The following MTMR2 variants were observed in gnomAD, a reference collection of about 807,000 sequenced individuals.
The protein encoded by MTMR2 is myotubularin related protein 2, also known as phosphatidylinositol-3,5-bisphosphate 3-phosphatase MTMR2.
MTMR2 carries 55 observed loss-of-function variants against 86.9 expected under a neutral mutation model. That is an observed-to-expected ratio of 0.63 (90% CI 0.51 to 0.79). The LOEUF is 0.79. Among genes scored for constraint, MTMR2 ranks in the 30% least tolerant of loss-of-function variants. The probability of loss-of-function intolerance (pLI) is 0.00; values close to 1 mark genes in which losing one functional copy is unlikely to be tolerated. For synonymous variants in MTMR2, 241 were observed against 266.8 expected, an observed-to-expected ratio of 0.90 and a Z score of 0.94; for missense variants, 659 against 772.3, an observed-to-expected ratio of 0.85 and a Z score of 1.74.
intron 1 of MTMR2, chr11:95,923,629 G>C: frequency 7.3e-7 from 1 of 1,361,266 alleles, no homozygotes; most frequent in Non-Finnish European, 9.5e-7. Context: ...ACCTCCATCG[G>C]GGAGAAAACG....
At chr11:95,889,693 A>G (rs1865645648) in intron 1 of MTMR2, among the ~76,000 whole-genome samples, 1 of 152,092 alleles carries the variant, frequency 6.6e-6, no homozygotes, top group Non-Finnish European at 1.5e-5. Context: ...CTACTTCAGG[A>G]CCTGTGTACA....
intron 2 of MTMR2, among the ~76,000 whole-genome samples, chr11:95,868,463 G>C (rs578196743): frequency 6.6e-6 from 1 of 151,764 alleles, no homozygotes; most frequent in Non-Finnish European, 1.5e-5. Flanking sequence ...AAATTGCATT[G>C]GTTATTCAGA....
intron 2 of MTMR2, among the ~76,000 whole-genome samples, chr11:95,885,237 T>C (rs1865474776): frequency 6.6e-6 from 1 of 152,108 alleles, no homozygotes. Flanking sequence ...ACCCTACCCA[T>C]CGTATTATCT....
At chr11:95,837,919 T>C (rs1757304844) in intron 13 of MTMR2, among the ~76,000 whole-genome samples, 175 bp downstream of exon 13, 1 of 152,066 alleles carries the variant, frequency 6.6e-6, no homozygotes, top group South Asian at 2.1e-4. Context: ...GTGACAAAGA[T>C]ACTTCAGAAT....
At chr11:95,923,712 C>A in intron 1 of MTMR2, 163 bp downstream of exon 1, 1 of 1,440,296 alleles carries the variant, frequency 6.9e-7, no homozygotes, top group Non-Finnish European at 9.1e-7. Flanking sequence ...TCAGCCTCCA[C>A]GCCCCAGGGA....
At chr11:95,853,572 G>A (rs1864101659) in intron 7 of MTMR2, among the ~76,000 whole-genome samples, 1 of 152,046 alleles carries the variant, frequency 6.6e-6, no homozygotes, top group African/African-American at 2.4e-5. Flanking sequence ...TGTATGCTCT[G>A]GTCTAGTCTA....
chr11:95,913,517 C>T (rs989688868), intron 1 of MTMR2, among the ~76,000 whole-genome samples: 3 of 152,128 alleles, frequency 2.0e-5, no homozygotes, highest in Admixed American at 6.6e-5. Flanking sequence ...TTCAGAATGT[C>T]CACGCTGAAA....
chr11:95,916,483 G>T (rs1866712707), intron 1 of MTMR2, among the ~76,000 whole-genome samples: 1 of 151,992 alleles, frequency 6.6e-6, no homozygotes, highest in South Asian at 2.1e-4. Flanking sequence ...TTTGGTTCAT[G>T]AGGTAACCCT....
intron 1 of MTMR2, among the ~76,000 whole-genome samples, chr11:95,891,866 G>A (rs1235827457): frequency 6.6e-6 from 1 of 151,994 alleles, no homozygotes; most frequent in African/African-American, 2.4e-5. Flanking sequence ...GAGAGAGAGT[G>A]CACAGGATAG....
intron 2 of MTMR2, among the ~76,000 whole-genome samples, chr11:95,886,246 A>G (rs1388973446): frequency 1.3e-5 from 2 of 152,214 alleles, no homozygotes; most frequent in Admixed American, 1.3e-4. Flanking sequence ...TTACTAATGT[A>G]AGATGTTATA....
chr11:95,840,805 A>G (rs1171947407), intron 12 of MTMR2, among the ~76,000 whole-genome samples: 1 of 152,222 alleles, frequency 6.6e-6, no homozygotes, highest in Non-Finnish European at 1.5e-5. Context: ...AAAGCCAGGC[A>G]GAGCCAGCAC....
chr11:95,882,589 G>A, intron 2 of MTMR2: 1 of 152,066 alleles, frequency 6.6e-6, no homozygotes, highest in Non-Finnish European at 1.5e-5. Flanking sequence ...TTTGAAGACA[G>A]ACACGTTTGC....
chr11:95,865,818 G>GT (rs1864595010), intron 2 of MTMR2, 142 bp from the exon 3 acceptor site: 3 of 708,572 alleles, frequency 4.2e-6, no homozygotes, highest in South Asian at 1.7e-5. Flanking sequence ...TTAAACTGTA[G>GT]TGTTGGCATG....
At chr11:95,891,652 A>C (rs535599332) in intron 1 of MTMR2, among the ~76,000 whole-genome samples, 143 of 152,328 alleles carry the variant, frequency 9.4e-4, no homozygotes, top group African/African-American at 3.3e-3. Flanking sequence ...ACACATAAAC[A>C]TAGGTAGATA....
intron 1 of MTMR2, among the ~76,000 whole-genome samples, chr11:95,907,445 T>C (rs943669753): frequency 2.0e-5 from 3 of 151,492 alleles, no homozygotes; most frequent in African/African-American, 7.3e-5. Flanking sequence ...ATAAAGAAGA[T>C]CTGGTGCCAT....
At chr11:95,873,099 A>G (rs1336442009) in intron 2 of MTMR2, among the ~76,000 whole-genome samples, 2 of 152,114 alleles carry the variant, frequency 1.3e-5, no homozygotes, top group South Asian at 2.1e-4. Context: ...TGTCTCTGCC[A>G]GGTTTTGGTA....
Position 95,838,102 on chromosome 11 carries a change from C to A in MTMR2, c.1585G>T (p.Gly529Ter), listed in dbSNP as rs1417792101. 6.3e-7 allele frequency: 1 copy of A among 1,589,298 alleles called. No homozygotes were observed. Among genetic ancestry groups the A allele is most frequent in the Admixed American group, 1.7e-5 (1 of 59,876 alleles). The change falls in exon 13 of 15, where the codon GGA becomes TGA. Residue 529 changes from glycine to a stop codon, truncating the protein, a stop_gained. Transcript: ENST00000346299. LOFTEE classifies it high-confidence loss of function. The part of the protein sequence containing the change: ...TFLCNSEQQR[G>*]KENLPKRTVS... ...CATGTTTCATATTTTACCTCTTTTC[C>A]TCTCTGTTGTTCACTATTACAGAGG...
intron 13 of MTMR2, 32 bp downstream of exon 13, chr11:95,838,062 T>A (rs972154399): frequency 8.1e-7 from 1 of 1,238,742 alleles, no homozygotes; most frequent in Non-Finnish European, 1.2e-6. Flanking sequence ...ACAGTAGAGA[T>A]AGTATGGGGA....
chr11:95,883,053 A>G (rs960593730), intron 2 of MTMR2, among the ~76,000 whole-genome samples: 25 of 151,922 alleles, frequency 1.6e-4, no homozygotes, highest in African/African-American at 4.6e-4. Flanking sequence ...GCCAAAAGAC[A>G]TAAGTCTATT....
Sources: gnomAD v4.1 joint callset for allele counts (sites outside exome capture counted in the v4.1 genomes callset) on GRCh38, gnomAD v4.1.1 for gene constraint, MANE v1.5 for transcripts, NCBI Gene and HGNC (gene_info 2026-07-23, HGNC 2026-07-21) for gene names.